GTF2A1: variants seen among roughly 807,000 people sequenced by gnomAD.
GTF2A1 encodes the protein general transcription factor IIA subunit 1, also known as transcription initiation factor IIA subunit 1.
GTF2A1 carries 12 observed loss-of-function variants against 54.1 expected under a neutral mutation model. The ratio of observed to expected loss-of-function variants is 0.22; its 90% CI spans 0.14 to 0.36. The LOEUF is 0.36. Ranked by LOEUF, GTF2A1 falls within the 10% of genes least tolerant of loss-of-function variation. The pLI is 1.00. For missense variants in GTF2A1, 335 were observed against 442.2 expected (o/e 0.76, Z 2.17); for synonymous variants, 145 against 152.0 (o/e 0.95, Z 0.34).
chr14:81,186,052 A>G (rs984426260), intron 7 of GTF2A1, among the ~76,000 whole-genome samples: 1 of 150,118 alleles, frequency 6.7e-6, no homozygotes, highest in Non-Finnish European at 1.5e-5. Context: ...GGTGTTTCAC[A>G]ATGTTGGCCA....
At chr14:81,185,670 A>C (rs1022877232) in intron 7 of GTF2A1, 50 bp from the exon 8 acceptor site, 1 of 952,314 alleles carries the variant, frequency 1.1e-6, no homozygotes. Context: ...CTTAATATTC[A>C]CTGAAAAAAA....
chr14:81,217,257 A>G (rs1246848227), intron 1 of GTF2A1, among the ~76,000 whole-genome samples: 1 of 152,246 alleles, frequency 6.6e-6, no homozygotes, highest in Non-Finnish European at 1.5e-5. Context: ...TGGTAAAATG[A>G]GTAAAATGAG....
At chr14:81,212,731 C>T (rs556027679) in intron 2 of GTF2A1, among the ~76,000 whole-genome samples, 153 of 152,278 alleles carry the variant, frequency 1.0e-3, no homozygotes, top group African/African-American at 3.2e-3. Context: ...TAAACCTGAG[C>T]AGTCCAATAT....
Position 81,176,331 on chromosome 14 carries a change from T to A in GTF2A1, c.*3892A>T, listed in dbSNP as rs1299567419. ...ATTTTACAAACATAATAAATATATT[T>A]ACGCCATTACACATAACAGTATGTA... On this transcript the variant is annotated 3_prime_UTR_variant, in exon 9 of 9. Coordinates refer to ENST00000553612, the MANE Select transcript of GTF2A1 (RefSeq NM_015859.4). The A allele has an allele frequency of 2.0e-5, 3 of 152,086 alleles. No individual in the cohort carries two copies. The highest frequency in any genetic ancestry group is 4.4e-5 in the Non-Finnish European group (3 of 67,964). 9.4% of individuals were successfully genotyped at this position (152,086 alleles called of 1,614,324 possible).
intron 4 of GTF2A1, among the ~76,000 whole-genome samples, chr14:81,198,007 C>T (rs1260192703): frequency 6.6e-6 from 1 of 152,066 alleles, no homozygotes; most frequent in Non-Finnish European, 1.5e-5. Flanking sequence ...CTATAAAGAA[C>T]ACTGTATCAG....
Position 81,201,588 on chromosome 14 carries a change from T to C in GTF2A1, c.402+6A>G. ...GCCAATCAAACTGCTACATTCTGAG[T>C]CTTACCATGTTTGATGCATTCATAT... On this transcript the variant is annotated splice_donor_region_variant and intron_variant, in intron 4 of 8. Coordinates refer to ENST00000553612, the MANE Select transcript of GTF2A1 (RefSeq NM_015859.4). 1 of 1,542,260 alleles carries C rather than the reference T, an allele frequency of 6.5e-7. No homozygotes were observed. Among genetic ancestry groups the C allele is most frequent in the South Asian group, 1.1e-5 (1 of 89,534 alleles).
At position 81,192,803 on chromosome 14, in the gene GTF2A1, T is replaced by C. The variant is rs770648110; in HGVS notation, c.649A>G (p.Thr217Ala). 6.2e-7 allele frequency: 1 copy of C among 1,613,328 alleles called. No individual in the cohort carries two copies. The highest frequency in any genetic ancestry group is 8.5e-7 in the Non-Finnish European group (1 of 1,179,252). The change falls in exon 7 of 9, where the codon ACA becomes GCA. Residue 217 changes from threonine to alanine, a missense_variant. Around this residue, in one of 2 missense-constraint regions of GTF2A1, gnomAD observed 306 missense variants for 360.4 expected, o/e 0.85. Coordinates refer to ENST00000553612, the MANE Select transcript of GTF2A1 (RefSeq NM_015859.4). ...APLPGGISPQ[T>A]GVIIQPQQIL... is the part of the protein sequence containing the mutation. ...TGCTGAGGCTGGATGATGACACCTG[T>C]CTGTGGTGAAATCCCTCCAGGAAGA...
chr14:81,201,340 G>C (rs1184937473), intron 4 of GTF2A1, among the ~76,000 whole-genome samples: 1 of 152,074 alleles, frequency 6.6e-6, no homozygotes, highest in Admixed American at 6.6e-5. Flanking sequence ...AACTTTTTCG[G>C]AAATAGTAGG....
chr14:81,215,802 G>A (rs901651006), intron 2 of GTF2A1, among the ~76,000 whole-genome samples: 3 of 152,070 alleles, frequency 2.0e-5, no homozygotes, highest in African/African-American at 4.8e-5. Flanking sequence ...TTGGGAGGCC[G>A]AGGCGGGAGG....
chr14:81,206,418 A>T lies in GTF2A1; in HGVS notation c.133-2314T>A, dbSNP rs1350306321. 5.3e-5 allele frequency among the ~76,000 whole-genome samples: 8 copies of T among 152,172 alleles called. No individual in the cohort carries two copies. In the East Asian group the frequency reaches 1.5e-3, roughly 29 times the overall value. ...CTGCATCAAGTCATACAGTCCACAAATAATTATGTCCTATATGCCAAACAC... is the reference window on the plus strand; with the variant it reads ...CTGCATCAAGTCATACAGTCCACAATTAATTATGTCCTATATGCCAAACAC... On this transcript the variant is annotated intron_variant, in intron 2 of 8. Coordinates refer to ENST00000553612, the MANE Select transcript of GTF2A1 (RefSeq NM_015859.4).
Position 81,177,188 on chromosome 14 carries a change from A to G in GTF2A1, c.*3035T>C, listed in dbSNP as rs1315272159. 1 of 152,166 alleles carries G rather than the reference A, an allele frequency of 6.6e-6. No homozygotes were observed. Among genetic ancestry groups the G allele is most frequent in the Non-Finnish European group, 1.5e-5 (1 of 67,980 alleles). 9.4% of individuals were successfully genotyped at this position (152,166 alleles called of 1,614,324 possible). A position where few individuals can be genotyped will look rare whatever the true frequency, so the allele number is the denominator to read the frequency against. Reference sequence around the variant, plus strand: ...ATTACTACACACTGCTCAAGTCTTGATGTAATCTTAGAACAAGAAAGTGGC... The same window carrying G: ...ATTACTACACACTGCTCAAGTCTTGGTGTAATCTTAGAACAAGAAAGTGGC... On this transcript the variant is annotated 3_prime_UTR_variant, in exon 9 of 9. Coordinates refer to ENST00000553612, the MANE Select transcript of GTF2A1 (RefSeq NM_015859.4).
intron 7 of GTF2A1, 108 bp downstream of exon 7, chr14:81,192,411 A>G (rs747707885): frequency 2.3e-5 from 18 of 783,730 alleles, no homozygotes; most frequent in Admixed American, 4.8e-5. Flanking sequence ...TATGTTGTAC[A>G]GCACCTAACA....
At chr14:81,198,293 A>C (rs988252054) in intron 4 of GTF2A1, among the ~76,000 whole-genome samples, 2 of 152,020 alleles carry the variant, frequency 1.3e-5, no homozygotes, top group African/African-American at 4.8e-5. Context: ...AAAAATACAA[A>C]AATTAGCTGA....
chr14:81,214,485 A>T (rs1893442550), intron 2 of GTF2A1, among the ~76,000 whole-genome samples: 1 of 152,060 alleles, frequency 6.6e-6, no homozygotes. Flanking sequence ...CTCTACTAAA[A>T]ATACAAAAAA....
chr14:81,219,888 C>G (rs1893578603), intron 1 of GTF2A1, among the ~76,000 whole-genome samples: 1 of 152,130 alleles, frequency 6.6e-6, no homozygotes, highest in Admixed American at 6.5e-5. Context: ...TTTACCCATT[C>G]GGAAGGAACT....
At chr14:81,180,606 T>C (rs528740574) in intron 8 of GTF2A1, among the ~76,000 whole-genome samples, 194 of 152,046 alleles carry the variant, frequency 1.3e-3, no homozygotes, top group Non-Finnish European at 2.2e-3. Flanking sequence ...GCCTAAAAAT[T>C]GGTTTCTTAA....
At chr14:81,193,569 AT>A (rs1345757540) in intron 6 of GTF2A1, among the ~76,000 whole-genome samples, 2 of 152,156 alleles carry the variant, frequency 1.3e-5, no homozygotes, top group African/African-American at 4.8e-5. Flanking sequence ...ATGGTTCTCA[AT>A]CCTGGCTGCA....
chr14:81,215,286 T>G (rs1893462776), intron 2 of GTF2A1, among the ~76,000 whole-genome samples: 1 of 152,240 alleles, frequency 6.6e-6, no homozygotes, highest in South Asian at 2.1e-4. Flanking sequence ...TACAGTTATC[T>G]CAAGGAAAAG....
chr14:81,208,640 G>C (rs2140035919), intron 2 of GTF2A1, among the ~76,000 whole-genome samples: 1 of 152,294 alleles, frequency 6.6e-6, no homozygotes. Flanking sequence ...CAATGCCAGT[G>C]AGTGCAGCTG....
Sources: gnomAD v4.1 joint callset for allele counts (sites outside exome capture counted in the v4.1 genomes callset) on GRCh38, gnomAD v4.1.1 for gene constraint, gnomAD v4.1.1 regional missense constraint, MANE v1.5 for transcripts, NCBI Gene and HGNC (gene_info 2026-07-23, HGNC 2026-07-21) for gene names.